The following PXYLP1 variants were observed in gnomAD, a reference collection of about 807,000 sequenced individuals.
The protein encoded by PXYLP1 is 2-phosphoxylose phosphatase 1.
Under a neutral mutation model 37.9 loss-of-function variants are expected in PXYLP1, and 17 were observed. The ratio of observed to expected loss-of-function variants is 0.45; its 90% CI spans 0.31 to 0.67. The LOEUF (loss-of-function observed/expected upper bound fraction) is 0.67, where lower values mean the gene tolerates loss of function less well. PXYLP1 is among the 30% of genes least tolerant of loss of function. The pLI, the probability that PXYLP1 is intolerant of heterozygous loss-of-function variation, is 0.07. For missense variants in PXYLP1, 511 were observed against 612.0 expected (o/e 0.84, Z 1.74); for synonymous variants, 221 against 232.2 (o/e 0.95, Z 0.44).
chr3:141,248,694 T>C (rs9682271), intron 1 of PXYLP1, among the ~76,000 whole-genome samples: 3 of 17,174 alleles, frequency 1.7e-4, no homozygotes, highest in African/African-American at 5.8e-4. Flanking sequence ...CACACGTATA[T>C]ACACACACGT....
At chr3:141,262,399 G>C in intron 2 of PXYLP1, 1 of 963,982 alleles carries the variant, frequency 1.0e-6, no homozygotes. Flanking sequence ...TCCATCCTTT[G>C]GTTGGAGAGG....
chr3:141,262,568 A>G, intron 2 of PXYLP1: 1 of 1,280,190 alleles, frequency 7.8e-7, no homozygotes, highest in Non-Finnish European at 1.0e-6. Flanking sequence ...TTCTGAAAGT[A>G]CCTTCTGTTT....
At chr3:141,272,930 C>T (rs1190942179) in intron 2 of PXYLP1, 2 of 944,376 alleles carry the variant, frequency 2.1e-6, no homozygotes, top group East Asian at 1.2e-4. Context: ...AGGAGCAATA[C>T]TTTGTGTTCT....
intron 2 of PXYLP1, among the ~76,000 whole-genome samples, chr3:141,271,113 G>C (rs916359961): frequency 1.3e-5 from 2 of 152,124 alleles, no homozygotes; most frequent in South Asian, 4.1e-4. Flanking sequence ...CCATTCACAG[G>C]TGGTATCTCA....
At chr3:141,239,861 G>A (rs997772737) in intron 1 of PXYLP1, among the ~76,000 whole-genome samples, 1 of 152,196 alleles carries the variant, frequency 6.6e-6, no homozygotes, top group Non-Finnish European at 1.5e-5. Context: ...GGAGCCCCTA[G>A]AAAGCAGGGA....
chr3:141,245,361 C>T (rs977241567), intron 1 of PXYLP1, among the ~76,000 whole-genome samples: 1 of 152,190 alleles, frequency 6.6e-6, no homozygotes, highest in Non-Finnish European at 1.5e-5. Flanking sequence ...GCCACCCACA[C>T]CTGGCTGCCA....
At chr3:141,237,573 A>C (rs1204752148) in intron 1 of PXYLP1, among the ~76,000 whole-genome samples, 1 of 152,224 alleles carries the variant, frequency 6.6e-6, no homozygotes, top group Non-Finnish European at 1.5e-5. Flanking sequence ...ACTGAAATAT[A>C]ATAATACATG....
chr3:141,274,759 A>T, intron 2 of PXYLP1: 1 of 662,622 alleles, frequency 1.5e-6, no homozygotes, highest in Non-Finnish European at 2.8e-6. Context: ...CTATGCTGTG[A>T]GCCATGACGG....
At chr3:141,247,546 T>C (rs1451921700) in intron 1 of PXYLP1, among the ~76,000 whole-genome samples, 2 of 152,226 alleles carry the variant, frequency 1.3e-5, no homozygotes, top group Admixed American at 6.5e-5. Flanking sequence ...ATCAGTGATA[T>C]GGCAATCTGT....
intron 4 of PXYLP1, among the ~76,000 whole-genome samples, chr3:141,282,483 A>AACACACAC (rs3069374): frequency 0.039 from 5,700 of 147,572 alleles, 158 homozygotes; most frequent in South Asian, 0.097. Context: ...AACCCAGACA[A>AACACACAC]ACACACACAC....
In PXYLP1 at chr3:141,294,518, A is replaced by G. The variant is rs551369217; in HGVS notation, c.*1313A>G. On this transcript the variant is annotated 3_prime_UTR_variant, in exon 6 of 6. Transcript: ENST00000286353. ...GAACTAATGGTGCTAATTCAGAGAA[A>G]TGGAAAGTGAAAGTGAGATTCTCTG... is the stretch of plus-strand genomic sequence containing the variant. 6.6e-6 allele frequency: 1 copy of G among 152,356 alleles called. No individual in the cohort carries two copies. The highest frequency in any genetic ancestry group is 2.4e-5 in the African/African-American group (1 of 41,588). The allele number at this position is 152,356 out of a possible 1,614,324, so 9.4% of individuals were successfully genotyped here. A position where few individuals can be genotyped will look rare whatever the true frequency, so the allele number is the denominator to read the frequency against.
chr3:141,283,476 A>G (rs1217697190), intron 4 of PXYLP1, among the ~76,000 whole-genome samples: 1 of 152,170 alleles, frequency 6.6e-6, no homozygotes, highest in African/African-American at 2.4e-5. Context: ...AAAGGATTTC[A>G]AAAGGGGCCA....
chr3:141,280,810 C>T (rs1941935195), intron 4 of PXYLP1, among the ~76,000 whole-genome samples: 1 of 152,140 alleles, frequency 6.6e-6, no homozygotes, highest in Admixed American at 6.5e-5. Context: ...GGAGCATGCC[C>T]ATTATTCTAG....
intron 1 of PXYLP1, among the ~76,000 whole-genome samples, chr3:141,252,469 GT>G (rs1941161945): frequency 1.3e-5 from 2 of 152,124 alleles, no homozygotes; most frequent in Non-Finnish European, 2.9e-5. Flanking sequence ...GTATCACACG[GT>G]GAGAGCGGGA....
At chr3:141,257,480 G>C (rs1386166440) in intron 1 of PXYLP1, among the ~76,000 whole-genome samples, 1 of 152,170 alleles carries the variant, frequency 6.6e-6, no homozygotes, top group Non-Finnish European at 1.5e-5. Flanking sequence ...TGGATACAAA[G>C]AGCATGAAAA....
intron 5 of PXYLP1, among the ~76,000 whole-genome samples, chr3:141,289,821 G>A (rs559021636): frequency 1.3e-5 from 2 of 151,650 alleles, no homozygotes; most frequent in East Asian, 1.9e-4. Flanking sequence ...GGGTGACTGT[G>A]CAGAGAACAG....
chr3:141,244,249 A>G (rs1940883443), intron 1 of PXYLP1, among the ~76,000 whole-genome samples: 2 of 152,240 alleles, frequency 1.3e-5, no homozygotes, highest in African/African-American at 4.8e-5. Context: ...TAAAGTGTAC[A>G]ATGAAAAGTC....
intron 4 of PXYLP1, among the ~76,000 whole-genome samples, chr3:141,285,540 T>A (rs2148831112): frequency 6.6e-6 from 1 of 151,654 alleles, no homozygotes; most frequent in East Asian, 1.9e-4. Context: ...AAAACAAAAA[T>A]AAAAAACATT....
chr3:141,243,609 G>A (rs1010046752), intron 1 of PXYLP1, among the ~76,000 whole-genome samples: 4 of 152,210 alleles, frequency 2.6e-5, no homozygotes, highest in Admixed American at 2.0e-4. Flanking sequence ...CAGCCCTCTC[G>A]CTGATCATCC....
Sources: allele counts gnomAD v4.1 joint callset (sites outside exome capture counted in the v4.1 genomes callset), GRCh38; gene constraint gnomAD v4.1.1; transcripts MANE v1.5; gene names NCBI Gene and HGNC (gene_info 2026-07-23, HGNC 2026-07-21).